CNOT6L: variants seen among roughly 807,000 people sequenced by gnomAD.
CNOT6L encodes the protein CCR4-NOT transcription complex subunit 6 like, also known as CCR4-NOT transcription complex subunit 6-like.
CNOT6L carries 7 observed loss-of-function variants against 64.0 expected under a neutral mutation model. That is an observed-to-expected ratio of 0.11 (90% CI 0.06 to 0.21). The LOEUF (loss-of-function observed/expected upper bound fraction) is 0.21. Ranked by LOEUF, CNOT6L falls within the 10% of genes least tolerant of loss-of-function variation. The pLI is 1.00. For missense variants in CNOT6L, 245 were observed against 669.0 expected (o/e 0.37, Z 6.99); for synonymous variants, 193 against 243.4 (o/e 0.79, Z 1.93).
chr4:77,800,906 T>G (rs1731460078), intron 1 of CNOT6L, among the ~76,000 whole-genome samples: 1 of 152,220 alleles, frequency 6.6e-6, no homozygotes, highest in African/African-American at 2.4e-5. Context: ...TGACTCACAC[T>G]GATCCAAAAC....
At chr4:77,779,059 A>G (rs1322546200) in intron 1 of CNOT6L, among the ~76,000 whole-genome samples, 1 of 97,122 alleles carries the variant, frequency 1.0e-5, no homozygotes, top group Admixed American at 1.1e-4. Context: ...AAAAAAAAAA[A>G]AAACAAAAAA....
Position 77,789,265 on chromosome 4 carries a change from T to C in CNOT6L, c.6-12873A>G, listed in dbSNP as rs935333232. 9.9e-5 allele frequency among the ~76,000 whole-genome samples: 15 copies of C among 152,052 alleles called. No individual in the cohort carries two copies. The South Asian group carries it at 1.0e-3, about 11-fold the overall frequency. ...TTTCAAGGAAAAACTTAAGATATCC[T>C]ACAAACTGACTATGCTGAGTACACA... On this transcript the variant is annotated intron_variant, in intron 1 of 11. Transcript: ENST00000504123.
chr4:77,745,022 A>G, intron 6 of CNOT6L, 147 bp from the exon 7 acceptor site: 4 of 523,032 alleles, frequency 7.6e-6, no homozygotes, highest in Non-Finnish European at 1.3e-5. Context: ...AAAGATTGCT[A>G]ATCTACTAAA....
chr4:77,757,426 A>G (rs1301891149), intron 4 of CNOT6L, among the ~76,000 whole-genome samples: 1 of 152,208 alleles, frequency 6.6e-6, no homozygotes, highest in Admixed American at 6.5e-5. Flanking sequence ...TTACCAAGAT[A>G]TGTGAGTGAA....
At chr4:77,819,987 C>T (rs1002845562), upstream of CNOT6L, among the ~76,000 whole-genome samples, 1 of 151,986 alleles carries the variant, frequency 6.6e-6, no homozygotes, top group African/African-American at 2.4e-5. Flanking sequence ...GGGCCGGAGC[C>T]GCGGCTACTG....
chr4:77,739,601 C>A (rs144874982), intron 8 of CNOT6L, among the ~76,000 whole-genome samples: 1 of 152,080 alleles, frequency 6.6e-6, no homozygotes, highest in Non-Finnish European at 1.5e-5. Flanking sequence ...GGTACTGGGA[C>A]AGAAGGTGGT....
At chr4:77,735,560 C>G (rs1722857570) in intron 8 of CNOT6L, among the ~76,000 whole-genome samples, 1 of 152,156 alleles carries the variant, frequency 6.6e-6, no homozygotes, top group Admixed American at 6.6e-5. Flanking sequence ...CATCTGAAAA[C>G]CTAACTAGTT....
chr4:77,807,692 A>C (rs1671939664), intron 1 of CNOT6L, among the ~76,000 whole-genome samples: 1 of 152,224 alleles, frequency 6.6e-6, no homozygotes, highest in African/African-American at 2.4e-5. Flanking sequence ...AACAAATACG[A>C]AAACTAGAAA....
At chr4:77,760,051 A>ATTT (rs1425352831) in intron 4 of CNOT6L, among the ~76,000 whole-genome samples, 1 of 152,206 alleles carries the variant, frequency 6.6e-6, no homozygotes, top group African/African-American at 2.4e-5. Flanking sequence ...TCCATGAGCC[A>ATTT]AAAAGGATGT....
chr4:77,779,127 C>T (rs1363006707), intron 1 of CNOT6L, among the ~76,000 whole-genome samples: 2 of 150,722 alleles, frequency 1.3e-5, no homozygotes, highest in South Asian at 2.1e-4. Flanking sequence ...GTTTTAATCA[C>T]GGCTCCCACT....
intron 8 of CNOT6L, among the ~76,000 whole-genome samples, chr4:77,737,327 G>A (rs1266814538): frequency 6.6e-6 from 1 of 151,522 alleles, no homozygotes; most frequent in African/African-American, 2.4e-5. Context: ...GTGCCAGAAG[G>A]TAACTAATTG....
intron 1 of CNOT6L, among the ~76,000 whole-genome samples, chr4:77,801,063 T>A (rs1255065092): frequency 6.6e-6 from 1 of 152,102 alleles, no homozygotes; most frequent in African/African-American, 2.4e-5. Flanking sequence ...GGTGTCAACT[T>A]TAAAATTGCT....
intron 1 of CNOT6L, among the ~76,000 whole-genome samples, chr4:77,776,908 T>C (rs934781831): frequency 6.6e-6 from 1 of 152,092 alleles, no homozygotes; most frequent in Non-Finnish European, 1.5e-5. Context: ...CTGCTGGTCA[T>C]AAACAAAGAA....
intron 1 of CNOT6L, among the ~76,000 whole-genome samples, chr4:77,790,382 GT>G (rs1391027805): frequency 2.0e-5 from 3 of 152,302 alleles, no homozygotes; most frequent in African/African-American, 7.2e-5. Flanking sequence ...TCATGTGCAG[GT>G]TTTTGTGTAG....
Position 77,761,308 on chromosome 4 carries a change from G to A in CNOT6L, c.401-4357C>T, listed in dbSNP as rs182692239. On this transcript the variant is annotated intron_variant, in intron 4 of 11. Coordinates refer to ENST00000504123, the MANE Select transcript of CNOT6L (RefSeq NM_144571.3). ...GTGCAGGAGAATCAACCAAATGACTGCAGGAGAAAGCTGACATGGCTATAG... is the reference window on the plus strand; with the variant it reads ...GTGCAGGAGAATCAACCAAATGACTACAGGAGAAAGCTGACATGGCTATAG... 6.6e-5 allele frequency among the ~76,000 whole-genome samples: 10 copies of A among 152,226 alleles called. No homozygotes were observed. In the East Asian group the frequency reaches 1.9e-3, roughly 29 times the overall value.
At chr4:77,743,491 A>C (rs752835853) in intron 7 of CNOT6L, among the ~76,000 whole-genome samples, 6 of 151,970 alleles carry the variant, frequency 3.9e-5, no homozygotes, top group Non-Finnish European at 7.4e-5. Context: ...CAACCTAAAA[A>C]TAAATTATCA....
intron 11 of CNOT6L, among the ~76,000 whole-genome samples, chr4:77,721,517 T>A (rs1234406641): frequency 6.6e-6 from 1 of 152,186 alleles, no homozygotes; most frequent in Non-Finnish European, 1.5e-5. Context: ...ATACATGAGT[T>A]CCAGCCAATA....
Position 77,715,864 on chromosome 4 carries a change from G to C in CNOT6L, c.*4567C>G, listed in dbSNP as rs543135765. On this transcript the variant is annotated 3_prime_UTR_variant, in exon 12 of 12. Transcript: ENST00000504123. ...CTGTTCTTAAACAGATTAGAACTTT[G>C]GTAAATAAGACAGATTAAAGATGTA... 1 of 152,138 alleles carries C rather than the reference G, an allele frequency of 6.6e-6. No individual in the cohort carries two copies. The highest frequency in any genetic ancestry group is 2.1e-4 in the South Asian group (1 of 4,788). 9.4% of individuals were successfully genotyped at this position (152,138 alleles called of 1,614,324 possible). A position where few individuals can be genotyped will look rare whatever the true frequency, so the allele number is the denominator to read the frequency against.
rs145697256 is a variant in CNOT6L, at chr4:77,736,538, C to T, written c.873-5000G>A. On this transcript the variant is annotated intron_variant, in intron 8 of 11. Coordinates refer to ENST00000504123, the MANE Select transcript of CNOT6L (RefSeq NM_144571.3). ...CCAAATGCACTCTATTCTGCATCTA[C>T]TTTGTTTCACAGATTTCCATACAGG... 1.7e-4 allele frequency among the ~76,000 whole-genome samples: 9 copies of T among 53,856 alleles called. No homozygotes were observed. In the Admixed American group the frequency reaches 2.2e-3, roughly 13 times the overall value. The allele number at this position is 53,856 out of a possible 152,430, so 35.3% of individuals were successfully genotyped here. A position where few individuals can be genotyped will look rare whatever the true frequency, so the allele number is the denominator to read the frequency against.
Sources: gnomAD v4.1 joint callset for allele counts (sites outside exome capture counted in the v4.1 genomes callset) on GRCh38, gnomAD v4.1.1 for gene constraint, MANE v1.5 for transcripts, NCBI Gene and HGNC (gene_info 2026-07-23, HGNC 2026-07-21) for gene names.